AMOTL1: variants seen among roughly 807,000 people sequenced by gnomAD.
AMOTL1 encodes angiomotin-like protein 1.
In AMOTL1, 45 loss-of-function variants were observed where a neutral mutation model predicts 102.9. The ratio of observed to expected loss-of-function variants is 0.44; its 90% CI spans 0.34 to 0.56. The LOEUF (loss-of-function observed/expected upper bound fraction) is 0.56. Ranked by LOEUF, AMOTL1 falls within the 20% of genes least tolerant of loss-of-function variation. AMOTL1 has a pLI of 0.01. For missense variants in AMOTL1, 1,114 were observed against 1,225.6 expected, an observed-to-expected ratio of 0.91 and a Z score of 1.36; for synonymous variants, 481 against 484.7, an observed-to-expected ratio of 0.99 and a Z score of 0.10.
At chr11:94,805,979 T>C (rs1325598408) in intron 3 of AMOTL1, among the ~76,000 whole-genome samples, 3 of 152,214 alleles carry the variant, frequency 2.0e-5, no homozygotes, top group Admixed American at 2.0e-4. Flanking sequence ...AGGGAACCTG[T>C]GGTATGACCT....
At chr11:94,833,753 CAG>C (rs1187593666) in intron 6 of AMOTL1, among the ~76,000 whole-genome samples, 2 of 152,088 alleles carry the variant, frequency 1.3e-5, no homozygotes, top group African/African-American at 2.4e-5. Context: ...GGGGAGGAGA[CAG>C]AGAGGTCATG....
intron 10 of AMOTL1, 101 bp downstream of exon 10, chr11:94,864,961 A>T: frequency 7.1e-7 from 1 of 1,410,392 alleles, no homozygotes; most frequent in Non-Finnish European, 9.4e-7. Flanking sequence ...GGCTGTGAGC[A>T]TGAGGTCTCC....
intron 2 of AMOTL1, among the ~76,000 whole-genome samples, chr11:94,739,904 T>C (rs1485178010): frequency 6.6e-6 from 1 of 152,192 alleles, no homozygotes; most frequent in Non-Finnish European, 1.5e-5. Flanking sequence ...TTAATTATTT[T>C]AGAATTTACA....
chr11:94,735,168 G>A (rs1950420078), intron 2 of AMOTL1, among the ~76,000 whole-genome samples: 1 of 152,220 alleles, frequency 6.6e-6, no homozygotes, highest in African/African-American at 2.4e-5. Flanking sequence ...AGAGCCTGCA[G>A]TCAAAGCAGA....
chr11:94,849,387 G>A (rs775083758), intron 6 of AMOTL1, among the ~76,000 whole-genome samples: 12 of 152,150 alleles, frequency 7.9e-5, no homozygotes, highest in Non-Finnish European at 1.8e-4. Flanking sequence ...CACTATCGAC[G>A]CTGCCTGCTT....
chr11:94,745,133 T>G (rs1412204155), intron 3 of AMOTL1, among the ~76,000 whole-genome samples: 1 of 152,078 alleles, frequency 6.6e-6, no homozygotes, highest in Non-Finnish European at 1.5e-5. Context: ...TAGGTATACA[T>G]GTACCATGTT....
intron 3 of AMOTL1, among the ~76,000 whole-genome samples, chr11:94,812,367 T>G (rs1235141772): frequency 6.6e-6 from 1 of 152,154 alleles, no homozygotes; most frequent in Admixed American, 6.5e-5. Flanking sequence ...ACATTATGGG[T>G]AGATAAGAGA....
upstream of AMOTL1, among the ~76,000 whole-genome samples, chr11:94,767,004 T>C (rs1427683895): frequency 6.6e-6 from 1 of 152,160 alleles, no homozygotes; most frequent in Non-Finnish European, 1.5e-5. Flanking sequence ...GTGCTGCCTT[T>C]TCCTCTTTCT....
At chr11:94,712,223 A>T (rs1469338710) in intron 1 of AMOTL1, among the ~76,000 whole-genome samples, 1 of 151,964 alleles carries the variant, frequency 6.6e-6, no homozygotes, top group African/African-American at 2.4e-5. Flanking sequence ...TCATGTTATC[A>T]TCTGTATTTC....
chr11:94,773,369 T>C (rs188271401), intron 1 of AMOTL1, among the ~76,000 whole-genome samples: 1 of 152,370 alleles, frequency 6.6e-6, no homozygotes, highest in East Asian at 1.9e-4. Flanking sequence ...TTTTAAGTTA[T>C]AGTTCACTTT....
At chr11:94,738,002 A>G (rs1950459727) in intron 2 of AMOTL1, among the ~76,000 whole-genome samples, 1 of 152,234 alleles carries the variant, frequency 6.6e-6, no homozygotes, top group Admixed American at 6.5e-5. Flanking sequence ...ACAGGATCAT[A>G]GTAGTATGTC....
At chr11:94,815,337 T>C (rs1241642751) in intron 3 of AMOTL1, among the ~76,000 whole-genome samples, 3 of 151,662 alleles carry the variant, frequency 2.0e-5, no homozygotes, top group Non-Finnish European at 2.9e-5. Flanking sequence ...TCCTGAGTTA[T>C]TGGCAAAAAC....
At chr11:94,862,031 G>A (rs1327024305) in intron 9 of AMOTL1, among the ~76,000 whole-genome samples, 5 of 152,066 alleles carry the variant, frequency 3.3e-5, no homozygotes, top group Admixed American at 3.3e-4. Context: ...GAGTTCTGTG[G>A]GATTTACCCA....
intron 3 of AMOTL1, among the ~76,000 whole-genome samples, chr11:94,809,761 A>T (rs1289514010): frequency 6.6e-6 from 1 of 152,236 alleles, no homozygotes; most frequent in Non-Finnish European, 1.5e-5. Context: ...GCCATTTCTA[A>T]TTACATTTCA....
chr11:94,771,433 G>A (rs1316253938), intron 1 of AMOTL1, among the ~76,000 whole-genome samples: 4 of 152,116 alleles, frequency 2.6e-5, no homozygotes, highest in African/African-American at 9.7e-5. Flanking sequence ...GGGGTAGTGT[G>A]GAGGTCAAGT....
Position 94,869,337 on chromosome 11 carries a change from C to T in AMOTL1, c.2628C>T (p.Ser876=). 6.2e-7 allele frequency: 1 copy of T among 1,612,366 alleles called. No individual in the cohort carries two copies. Among genetic ancestry groups the T allele is most frequent in the Non-Finnish European group, 8.5e-7 (1 of 1,179,264 alleles). ...AHAKTGSKDS[S]TQTDKSAELF... The stretch of plus-strand genomic sequence containing the variant: ...CCAAGACAGGCAGCAAGGACAGCAG[C>T]ACACAGACTGACAAGAGTGCCGAGC... Residue 876 remains serine (S), a synonymous_variant, in exon 12 of 13, where the codon AGC becomes AGT. Coordinates refer to ENST00000433060, the MANE Select transcript of AMOTL1 (RefSeq NM_130847.3).
chr11:94,859,383 A>C, intron 8 of AMOTL1, 142 bp from the exon 9 acceptor site: 1 of 790,020 alleles, frequency 1.3e-6, no homozygotes, highest in South Asian at 2.5e-5. Context: ...AGAATTAACT[A>C]CAACAGAGGA....
chr11:94,864,787 C>T lies in AMOTL1; in HGVS notation c.2188C>T (p.Leu730=). ...GAATGGCAGCTACGGAGAGAGCTCG[C>T]TGGAGGCCCACATCTGGCAAGAGGA... ...SRNGSYGESS[L]EAHIWQEEEE... The change falls in exon 10 of 13, where the codon CTG becomes TTG. Residue 730 remains leucine (L), a synonymous_variant. Coordinates refer to ENST00000433060, the MANE Select transcript of AMOTL1 (RefSeq NM_130847.3). The T allele has an allele frequency of 6.2e-7, 1 of 1,613,810 alleles. No individual in the cohort carries two copies.
upstream of AMOTL1, among the ~76,000 whole-genome samples, chr11:94,766,312 T>G (rs567843567): frequency 8.5e-5 from 13 of 152,344 alleles, 1 homozygote; most frequent in Admixed American, 7.2e-4. Flanking sequence ...CTGAGTATTT[T>G]ACATTTGTTA....
Sources: allele counts gnomAD v4.1 joint callset (sites outside exome capture counted in the v4.1 genomes callset), GRCh38; gene constraint gnomAD v4.1.1; transcripts MANE v1.5; gene names NCBI Gene and HGNC (gene_info 2026-07-23, HGNC 2026-07-21).